USPL1: variants seen among roughly 807,000 people sequenced by gnomAD.
USPL1 encodes ubiquitin specific peptidase like 1, also known as SUMO-specific isopeptidase USPL1.
A neutral mutation model predicts 51.5 loss-of-function variants in USPL1; 27 were observed. The ratio of observed to expected loss-of-function variants is 0.52; its 90% CI spans 0.39 to 0.72. The LOEUF (loss-of-function observed/expected upper bound fraction) is 0.72. Ranked by LOEUF, USPL1 falls within the 30% of genes least tolerant of loss-of-function variation. USPL1 has a pLI of 0.00. For synonymous variants in USPL1, 451 were observed against 459.6 expected (o/e 0.98, Z 0.24); for missense variants, 1,226 against 1,268.0 (o/e 0.97, Z 0.50).
intron 5 of USPL1, among the ~76,000 whole-genome samples, chr13:30,641,738 G>A (rs11617613): frequency 0.17 from 25,280 of 152,192 alleles, 2,662 homozygotes; most frequent in Middle Eastern, 0.29. Flanking sequence ...TAAGAAGAAC[G>A]GTAGATGAAG....
chr13:30,633,240 GTATTT>G, intron 4 of USPL1, among the ~76,000 whole-genome samples: 1 of 152,120 alleles, frequency 6.6e-6, no homozygotes, highest in East Asian at 1.9e-4. Flanking sequence ...TATAATTGTT[GTATTT>G]TATTATTAGT....
intron 8 of USPL1, among the ~76,000 whole-genome samples, chr13:30,655,754 A>G (rs1316438684): frequency 1.3e-5 from 2 of 152,244 alleles, no homozygotes; most frequent in Admixed American, 6.5e-5. Flanking sequence ...TTTCTAAAAT[A>G]ATATACTCCT....
At chr13:30,625,515 G>C (rs1357427486) in intron 3 of USPL1, among the ~76,000 whole-genome samples, 1 of 145,742 alleles carries the variant, frequency 6.9e-6, no homozygotes, top group Non-Finnish European at 1.5e-5. Flanking sequence ...GTGCGATCTC[G>C]GCTCACCGCA....
chr13:30,631,822 TGA>T (rs1950810041), intron 4 of USPL1, among the ~76,000 whole-genome samples: 1 of 152,178 alleles, frequency 6.6e-6, no homozygotes, highest in Non-Finnish European at 1.5e-5. Context: ...ATATTAATGT[TGA>T]GTTTTGTCTC....
chr13:30,655,369 C>T (rs1409182739), intron 8 of USPL1, among the ~76,000 whole-genome samples: 1 of 152,132 alleles, frequency 6.6e-6, no homozygotes, highest in African/African-American at 2.4e-5. Context: ...TAACATTAAC[C>T]AGCCTGTTGG....
At chr13:30,633,784 C>CA (rs61682331) in intron 4 of USPL1, among the ~76,000 whole-genome samples, 3,259 of 38,302 alleles carry the variant, frequency 0.085, 187 homozygotes, top group African/African-American at 0.17. Context: ...GACTCTGTCT[C>CA]AAAAAAAAAA....
chr13:30,632,332 A>G (rs1025333008), intron 4 of USPL1, among the ~76,000 whole-genome samples: 1 of 148,134 alleles, frequency 6.8e-6, no homozygotes, highest in Non-Finnish European at 1.5e-5. Context: ...TCTATGGTGT[A>G]TATGTGCCAC....
Position 30,631,316 on chromosome 13 carries a change from G to A in USPL1, c.710G>A (p.Trp237Ter), listed in dbSNP as rs1950802304. 1 of 1,613,976 alleles carries A rather than the reference G, an allele frequency of 6.2e-7. No homozygotes were observed. Among genetic ancestry groups the A allele is most frequent in the Non-Finnish European group, 8.5e-7 (1 of 1,180,024 alleles). ...TGGAAAAATGCTTATGCTCTCTGTT[G>A]GTTAGACTGTATCCTGTCAGCTTTG... ...VQWKNAYALC[W>*]LDCILSALVH... Residue 237 changes from tryptophan to a stop codon, truncating the protein, a stop_gained, in exon 4 of 9, where the codon TGG becomes TAG. Coordinates refer to ENST00000255304, the MANE Select transcript of USPL1 (RefSeq NM_005800.5). LOFTEE classifies it high-confidence loss of function.
Position 30,658,118 on chromosome 13 carries a change from A to G in USPL1, c.2041A>G (p.Asn681Asp). Residue 681 changes from asparagine to aspartate, a missense_variant, in exon 9 of 9, where the codon AAT becomes GAT. Coordinates refer to ENST00000255304, the MANE Select transcript of USPL1 (RefSeq NM_005800.5). ...EDTVNTKSVNNTDATGLIQGV... is the reference protein window; with the variant it reads ...EDTVNTKSVNDTDATGLIQGV... ...TACTGTAAATACTAAATCTGTGAATAATACTGATGCTACTGGTCTTATACA... is the reference window on the plus strand; with the variant it reads ...TACTGTAAATACTAAATCTGTGAATGATACTGATGCTACTGGTCTTATACA... The G allele has an allele frequency of 1.2e-6, 2 of 1,613,746 alleles. No homozygotes were observed. Among genetic ancestry groups the G allele is most frequent in the Non-Finnish European group, 1.7e-6 (2 of 1,180,020 alleles).
chr13:30,658,845 T>C lies in USPL1; in HGVS notation c.2768T>C (p.Val923Ala), dbSNP rs1201714566. The change falls in exon 9 of 9, where the codon GTG becomes GCG. Residue 923 changes from valine to alanine, a missense_variant. Coordinates refer to ENST00000255304, the MANE Select transcript of USPL1 (RefSeq NM_005800.5). ...RTVRSENLEQ[V>A]PQDGSPNDCE... ...GTTCGAAGTGAAAATCTAGAACAGG[T>C]GCCCCAGGATGGGTCTCCAAATGAT... The C allele has an allele frequency of 1.9e-6, 3 of 1,613,822 alleles. No homozygotes were observed. The highest frequency in any genetic ancestry group is 1.7e-6 in the Non-Finnish European group (2 of 1,180,036).
intron 3 of USPL1, among the ~76,000 whole-genome samples, chr13:30,630,286 A>C (rs1162266747): frequency 3.3e-5 from 5 of 152,190 alleles, no homozygotes; most frequent in Non-Finnish European, 7.3e-5. Context: ...ATTTGGCATA[A>C]ATTGTGTTAA....
chr13:30,628,447 G>C (rs1436952500), intron 3 of USPL1, among the ~76,000 whole-genome samples: 1 of 152,110 alleles, frequency 6.6e-6, no homozygotes, highest in East Asian at 1.9e-4. Flanking sequence ...GTGCAGGCTT[G>C]TTACATAGGT....
intron 4 of USPL1, among the ~76,000 whole-genome samples, chr13:30,635,534 G>A (rs1950864465): frequency 6.6e-6 from 1 of 151,986 alleles, no homozygotes; most frequent in African/African-American, 2.4e-5. Flanking sequence ...AAATTATTAT[G>A]GCTACCTTGT....
In USPL1 at chr13:30,659,552, TCC is replaced by T; in HGVS notation, c.*197_*198del. 1.7e-5 allele frequency: 7 copies of T among 410,362 alleles called. No homozygotes were observed. Among genetic ancestry groups the T allele is most frequent in the Non-Finnish European group, 2.6e-5 (6 of 233,572 alleles). The allele number at this position is 410,362 out of a possible 1,614,324, so 25.4% of individuals were successfully genotyped here. A position where few individuals can be genotyped will look rare whatever the true frequency, so the allele number is the denominator to read the frequency against. On this transcript the variant is annotated 3_prime_UTR_variant, in exon 9 of 9. Coordinates refer to ENST00000255304, the MANE Select transcript of USPL1 (RefSeq NM_005800.5). ...CACATTAAAATCACTGAATGTGTTC[TCC>T]TTTTTGGTTTCATTTTGTTCTTGTG...
Position 30,621,085 on chromosome 13 carries a change from A to C in USPL1, c.-56A>C. On this transcript the variant is annotated 5_prime_UTR_variant, in exon 2 of 9. Transcript: ENST00000255304. ...TTTTTTTTTCCAGGGTTCATTGAAA[A>C]AATCCTTAGTGATATTGACATGTCT... The C allele has an allele frequency of 6.9e-7, 1 of 1,443,090 alleles. No individual in the cohort carries two copies. The highest frequency in any genetic ancestry group is 9.5e-7 in the Non-Finnish European group (1 of 1,052,214). The allele number at this position is 1,443,090 out of a possible 1,614,324, so 89.4% of individuals were successfully genotyped here. A position where few individuals can be genotyped will look rare whatever the true frequency, so the allele number is the denominator to read the frequency against.
intron 3 of USPL1, among the ~76,000 whole-genome samples, chr13:30,626,426 C>G (rs1950717439): frequency 6.6e-6 from 1 of 152,108 alleles, no homozygotes; most frequent in South Asian, 2.1e-4. Flanking sequence ...TAAAGTTTTA[C>G]CGGAACATAG....
chr13:30,621,127 G>C lies in USPL1; in HGVS notation c.-14G>C. ...GACATGTCTCAAGTGACATAAATTA[G>C]CCAATGACTCGGAATGATGGATTCT... On this transcript the variant is annotated 5_prime_UTR_variant, in exon 2 of 9. Coordinates refer to ENST00000255304, the MANE Select transcript of USPL1 (RefSeq NM_005800.5). 9 of 1,599,902 alleles carry C rather than the reference G, an allele frequency of 5.6e-6. No homozygotes were observed. The highest frequency in any genetic ancestry group is 6.8e-6 in the Non-Finnish European group (8 of 1,174,800).
intron 5 of USPL1, among the ~76,000 whole-genome samples, chr13:30,640,504 A>G (rs764256185): frequency 3.3e-5 from 5 of 152,144 alleles, no homozygotes; most frequent in Non-Finnish European, 7.4e-5. Flanking sequence ...AGCCTGGCCA[A>G]CATGGTGAAA....
chr13:30,657,280 AAGT>A (rs1951176577), intron 8 of USPL1, among the ~76,000 whole-genome samples, 191 bp from the exon 9 acceptor site: 1 of 152,216 alleles, frequency 6.6e-6, no homozygotes. Flanking sequence ...ACCAAATTCT[AAGT>A]TCCAAAAATT....
Sources: allele counts gnomAD v4.1 joint callset (sites outside exome capture counted in the v4.1 genomes callset), GRCh38; gene constraint gnomAD v4.1.1; transcripts MANE v1.5; gene names NCBI Gene and HGNC (gene_info 2026-07-23, HGNC 2026-07-21).